ME3: variants seen among roughly 807,000 people sequenced by gnomAD.
The protein encoded by ME3 is NADP-dependent malic enzyme, mitochondrial.
ME3 carries 48 observed loss-of-function variants against 68.9 expected under a neutral mutation model. The observed-to-expected ratio is 0.70, with a 90% CI of 0.55 to 0.89. The LOEUF (loss-of-function observed/expected upper bound fraction) is 0.89, where lower values mean the gene tolerates loss of function less well. ME3 is among the 40% of genes least tolerant of loss of function. The pLI is 0.00. For synonymous variants in ME3, 320 were observed against 318.8 expected (o/e 1.00, Z -0.04); for missense variants, 675 against 797.4 (o/e 0.85, Z 1.85).
At chr11:86,526,866 C>T (rs1029749329) in intron 4 of ME3, among the ~76,000 whole-genome samples, 3 of 152,176 alleles carry the variant, frequency 2.0e-5, no homozygotes, top group Non-Finnish European at 2.9e-5. Context: ...CCCATCTGTA[C>T]GTCACCATCA....
chr11:86,615,538 A>G (rs1942897728), intron 2 of ME3, among the ~76,000 whole-genome samples: 2 of 152,324 alleles, frequency 1.3e-5, no homozygotes, highest in South Asian at 4.1e-4. Context: ...ACAGGCCTCA[A>G]GGTGGGATGA....
intron 5 of ME3, among the ~76,000 whole-genome samples, chr11:86,501,027 T>A (rs1395170723): frequency 6.6e-6 from 1 of 152,158 alleles, no homozygotes; most frequent in East Asian, 1.9e-4. Context: ...AAATGCACAT[T>A]TTATCTCACA....
At chr11:86,477,109 C>T (rs941614298) in intron 7 of ME3, among the ~76,000 whole-genome samples, 2 of 152,226 alleles carry the variant, frequency 1.3e-5, no homozygotes, top group African/African-American at 2.4e-5. Context: ...ATTTATCCAT[C>T]ATAAGTACTC....
chr11:86,621,400 G>A (rs776182527), intron 2 of ME3, among the ~76,000 whole-genome samples: 1 of 150,630 alleles, frequency 6.6e-6, no homozygotes. Flanking sequence ...TGGCTAATTT[G>A]TTAGCATGAT....
chr11:86,468,415 CCAT>C (rs1173183537), intron 7 of ME3, among the ~76,000 whole-genome samples: 1 of 152,138 alleles, frequency 6.6e-6, no homozygotes, highest in Admixed American at 6.5e-5. Context: ...ATCCATCCAT[CCAT>C]CATCCATCCA....
chr11:86,470,913 A>G (rs1203892875), intron 7 of ME3, among the ~76,000 whole-genome samples: 1 of 152,126 alleles, frequency 6.6e-6, no homozygotes, highest in Non-Finnish European at 1.5e-5. Flanking sequence ...GAGGGCTTCC[A>G]CTGCCTGTGG....
At chr11:86,525,157 A>C (rs1421853044) in intron 4 of ME3, among the ~76,000 whole-genome samples, 4 of 152,224 alleles carry the variant, frequency 2.6e-5, no homozygotes, top group Admixed American at 6.5e-5. Context: ...AGTGACCTTG[A>C]CAAATGACTA....
intron 7 of ME3, among the ~76,000 whole-genome samples, chr11:86,469,703 G>C (rs1482734020): frequency 6.6e-6 from 1 of 152,194 alleles, no homozygotes; most frequent in African/African-American, 2.4e-5. Context: ...TGGAGAAAGA[G>C]GCACCTTCCC....
chr11:86,557,196 G>A (rs1956977477), intron 3 of ME3, among the ~76,000 whole-genome samples: 1 of 152,144 alleles, frequency 6.6e-6, no homozygotes, highest in Non-Finnish European at 1.5e-5. Flanking sequence ...GGGCATATAA[G>A]CACTCTAGGA....
chr11:86,521,412 AC>A (rs779279091), intron 4 of ME3, among the ~76,000 whole-genome samples: 7,581 of 138,806 alleles, frequency 0.055, 331 homozygotes, highest in African/African-American at 0.087. Context: ...AACAAACAAA[AC>A]AAAACAAAAC....
downstream of ME3, among the ~76,000 whole-genome samples, chr11:86,438,051 G>C (rs988967504): frequency 1.3e-5 from 2 of 152,156 alleles, no homozygotes; most frequent in African/African-American, 4.8e-5. Flanking sequence ...TCCTTGCCTT[G>C]TTCCAGATCT....
intron 2 of ME3, among the ~76,000 whole-genome samples, chr11:86,650,077 A>G (rs757912780): frequency 6.6e-6 from 1 of 152,160 alleles, no homozygotes; most frequent in Admixed American, 6.6e-5. Context: ...GCTACAGTAA[A>G]CAAAACAGCT....
chr11:86,647,236 A>C (rs1945078088), intron 2 of ME3, among the ~76,000 whole-genome samples: 1 of 152,228 alleles, frequency 6.6e-6, no homozygotes, highest in African/African-American at 2.4e-5. Context: ...TAAATGCCCC[A>C]ATTAAGAGAC....
chr11:86,487,558 A>G, intron 6 of ME3, 118 bp from the exon 7 acceptor site: 1 of 742,738 alleles, frequency 1.3e-6, no homozygotes, highest in Admixed American at 2.3e-5. Context: ...GGGGGGAGTA[A>G]GAAGGTAACT....
chr11:86,635,900 G>T (rs143924080), intron 2 of ME3, among the ~76,000 whole-genome samples: 1 of 152,214 alleles, frequency 6.6e-6, no homozygotes, highest in Admixed American at 6.5e-5. Flanking sequence ...GCACAGTCTG[G>T]TCAAATGGCA....
chr11:86,616,798 A>C (rs2135235591), intron 2 of ME3, among the ~76,000 whole-genome samples: 1 of 152,282 alleles, frequency 6.6e-6, no homozygotes, highest in Middle Eastern at 3.4e-3. Context: ...AGCCAAATGT[A>C]ATGTGGTACC....
At chr11:86,480,135 T>C (rs1188428873) in intron 7 of ME3, among the ~76,000 whole-genome samples, 2 of 152,242 alleles carry the variant, frequency 1.3e-5, no homozygotes, top group Non-Finnish European at 2.9e-5. Flanking sequence ...ATGTCTTTTA[T>C]TTCTTTTGAA....
At chr11:86,649,705 T>C (rs1360300024) in intron 2 of ME3, among the ~76,000 whole-genome samples, 2 of 152,132 alleles carry the variant, frequency 1.3e-5, no homozygotes, top group Non-Finnish European at 1.5e-5. Context: ...GAACTCCCAT[T>C]CACAATTCCT....
intron 2 of ME3, among the ~76,000 whole-genome samples, chr11:86,619,892 C>T (rs4944609): frequency 0.39 from 58,676 of 152,076 alleles, 11,979 homozygotes; most frequent in East Asian, 0.7. Context: ...TGAGCCTGAT[C>T]AGCTGATTAA....
Sources: allele counts gnomAD v4.1 joint callset (sites outside exome capture counted in the v4.1 genomes callset), GRCh38; gene constraint gnomAD v4.1.1; transcripts MANE v1.5; gene names NCBI Gene and HGNC (gene_info 2026-07-23, HGNC 2026-07-21).